MCTP1: variants seen among roughly 807,000 people sequenced by gnomAD.
The protein encoded by MCTP1 is multiple C2 and transmembrane domain-containing protein 1.
A neutral mutation model predicts 120.6 loss-of-function variants in MCTP1; 69 were observed. The ratio of observed to expected loss-of-function variants is 0.57; its 90% CI spans 0.47 to 0.70. The LOEUF (loss-of-function observed/expected upper bound fraction) is 0.70, where lower values mean the gene tolerates loss of function less well. Among genes scored for constraint, MCTP1 ranks in the 30% least tolerant of loss-of-function variants. The probability of loss-of-function intolerance (pLI) is 0.00; values close to 1 mark genes in which losing one functional copy is unlikely to be tolerated. For synonymous variants in MCTP1, 529 were observed against 493.1 expected, an observed-to-expected ratio of 1.07 and a Z score of -0.96; for missense variants, 1,203 against 1,248.8, an observed-to-expected ratio of 0.96 and a Z score of 0.55.
intron 18 of MCTP1, chr5:94,789,416 A>G (rs886371655): frequency 6.6e-6 from 1 of 152,216 alleles, no homozygotes; most frequent in Non-Finnish European, 1.5e-5. Context: ...TTGAACTGAC[A>G]TGTCACGTAC....
chr5:94,931,969 C>T lies in MCTP1; in HGVS notation c.1196G>A (p.Trp399Ter). 1 of 1,603,848 alleles carries T rather than the reference C, an allele frequency of 6.2e-7. No individual in the cohort carries two copies. The highest frequency in any genetic ancestry group is 8.5e-7 in the Non-Finnish European group (1 of 1,172,598). ...RDVTMLMRKS[W>*]KRSSKELSEN... ...AAGAATTACCTTACTTGATCTTTTCCAACTCTTCCTCATTAGCATTGTCTG... is the reference window on the plus strand; with the variant it reads ...AAGAATTACCTTACTTGATCTTTTCTAACTCTTCCTCATTAGCATTGTCTG... Residue 399 changes from tryptophan to a stop codon, truncating the protein, a stop_gained, in exon 6 of 23, where the codon TGG becomes TAG. Coordinates refer to ENST00000515393, the MANE Select transcript of MCTP1 (RefSeq NM_024717.7). LOFTEE classifies it high-confidence loss of function.
In MCTP1 at chr5:94,882,420, GT is replaced by G. The variant is rs549174897; in HGVS notation, c.1933+6458del. Among the ~76,000 whole-genome samples the G allele has an allele frequency of 5.9e-4, 86 of 146,008 alleles. 1 individual carries two copies. The highest frequency in any genetic ancestry group is 4.1e-3 in the South Asian group (19 of 4,604). Reference sequence around the variant, plus strand: ...TTTAACCCAAGTATCTCTGTAGTAAGTTTTTTTTTTTCAAAAAATCTAGTTA... The same window carrying G: ...TTTAACCCAAGTATCTCTGTAGTAAGTTTTTTTTTTCAAAAAATCTAGTTA... On this transcript the variant is annotated intron_variant, in intron 12 of 22. Transcript: ENST00000515393.
intron 1 of MCTP1, among the ~76,000 whole-genome samples, chr5:95,117,842 A>G (rs1032685974): frequency 6.6e-6 from 1 of 152,202 alleles, no homozygotes; most frequent in African/African-American, 2.4e-5. Context: ...CATAAAAAGG[A>G]ATGAGATCAT....
chr5:95,155,691 A>G (rs1429393416), intron 1 of MCTP1, among the ~76,000 whole-genome samples: 2 of 152,168 alleles, frequency 1.3e-5, no homozygotes, highest in African/African-American at 2.4e-5. Flanking sequence ...ACAGACCTCA[A>G]AGCTATGGAA....
chr5:95,249,298 A>T (rs967199036), intron 1 of MCTP1, among the ~76,000 whole-genome samples: 1 of 152,216 alleles, frequency 6.6e-6, no homozygotes, highest in Admixed American at 6.5e-5. Context: ...TCTACAAAGA[A>T]CTTAAACAAA....
rs186214514 is a variant in MCTP1 at position 95,123,588 on chromosome 5, T to C, written c.721-106104A>G. Reference sequence around the variant, plus strand: ...GCTTCTACAGGAGAGGTAGAATTTATCATTCAGCACAAGATATATACTTTG... The same window carrying C: ...GCTTCTACAGGAGAGGTAGAATTTACCATTCAGCACAAGATATATACTTTG... On this transcript the variant is annotated intron_variant, in intron 1 of 22. Coordinates refer to ENST00000515393, the MANE Select transcript of MCTP1 (RefSeq NM_024717.7). Among the ~76,000 whole-genome samples the C allele has an allele frequency of 5.7e-4, 87 of 152,288 alleles. 1 individual carries two copies. The East Asian group carries it at 0.015, about 26-fold the overall frequency.
rs551029862 is a variant in MCTP1 at position 95,138,400 on chromosome 5, G to T, written c.721-120916C>A. ...CACAGCCTTGTCAATCTCCATCCAG[G>T]TTTTTCTCACTATCCTCTCCTGTAA... On this transcript the variant is annotated intron_variant, in intron 1 of 22. Coordinates refer to ENST00000515393, the MANE Select transcript of MCTP1 (RefSeq NM_024717.7). 2.0e-5 allele frequency among the ~76,000 whole-genome samples: 3 copies of T among 152,280 alleles called. No homozygotes were observed. The South Asian group carries it at 6.2e-4, about 32-fold the overall frequency.
At chr5:94,949,187 T>G (rs1324910923) in intron 3 of MCTP1, among the ~76,000 whole-genome samples, 1 of 152,186 alleles carries the variant, frequency 6.6e-6, no homozygotes, top group Non-Finnish European at 1.5e-5. Flanking sequence ...GTTACTTTTA[T>G]CTCTTCTACT....
At chr5:94,764,828 C>CAAA (rs57246943) in intron 19 of MCTP1, among the ~76,000 whole-genome samples, 123 of 90,972 alleles carry the variant, frequency 1.4e-3, no homozygotes, top group African/African-American at 4.4e-3. Context: ...TGACCTGGAC[C>CAAA]AAAAAAAAAA....
intron 2 of MCTP1, among the ~76,000 whole-genome samples, chr5:94,972,144 CT>C (rs1273945101): frequency 6.6e-6 from 1 of 152,070 alleles, no homozygotes; most frequent in African/African-American, 2.4e-5. Context: ...CATTTTATTC[CT>C]CTTGGACTAC....
intron 1 of MCTP1, among the ~76,000 whole-genome samples, chr5:95,139,488 C>A (rs1759730486): frequency 1.3e-5 from 2 of 152,304 alleles, no homozygotes; most frequent in African/African-American, 4.8e-5. Context: ...ACTTAGGGAA[C>A]AAGAGAGCTT....
intron 1 of MCTP1, among the ~76,000 whole-genome samples, chr5:95,254,276 G>A (rs189307459): frequency 2.9e-4 from 44 of 152,220 alleles, no homozygotes; most frequent in South Asian, 1.2e-3. Context: ...GGCTCCCTAC[G>A]TACCAACCAC....
At chr5:94,871,493 G>T in intron 13 of MCTP1, 76 bp from the exon 14 acceptor site, 1 of 962,096 alleles carries the variant, frequency 1.0e-6, no homozygotes, top group Non-Finnish European at 1.7e-6. Context: ...TGAAAATTTA[G>T]ATAGCTCCAG....
intron 17 of MCTP1, among the ~76,000 whole-genome samples, chr5:94,840,976 C>T (rs1790893172): frequency 6.6e-6 from 1 of 152,090 alleles, no homozygotes; most frequent in South Asian, 2.1e-4. Flanking sequence ...CCTTAGTGGC[C>T]ACTTGGCCAT....
At position 95,216,907 on chromosome 5, in the gene MCTP1, T is replaced by C. The variant is rs1391694275; in HGVS notation, c.720+66949A>G. ...ACAAGAGAGCAGCCAGTATCATTTCTCCTGAGGCTACCTCTGGAAGAAAAC... is the reference window on the plus strand; with the variant it reads ...ACAAGAGAGCAGCCAGTATCATTTCCCCTGAGGCTACCTCTGGAAGAAAAC... On this transcript the variant is annotated intron_variant, in intron 1 of 22. Transcript: ENST00000515393. Among the ~76,000 whole-genome samples the C allele has an allele frequency of 2.0e-5, 3 of 152,206 alleles. No homozygotes were observed. In the East Asian group the frequency reaches 5.8e-4, roughly 29 times the overall value.
At chr5:94,759,411 T>C (rs1454443842) in intron 19 of MCTP1, among the ~76,000 whole-genome samples, 1 of 152,146 alleles carries the variant, frequency 6.6e-6, no homozygotes, top group African/African-American at 2.4e-5. Context: ...AAACGTTTAA[T>C]GTAGGAGAAA....
chr5:95,257,919 C>G (rs1758065265), intron 1 of MCTP1, among the ~76,000 whole-genome samples: 1 of 151,822 alleles, frequency 6.6e-6, no homozygotes, highest in Non-Finnish European at 1.5e-5. Flanking sequence ...GAAATAAATA[C>G]AGTAATATTG....
intron 18 of MCTP1, among the ~76,000 whole-genome samples, chr5:94,795,242 G>A (rs1448514987): frequency 6.7e-6 from 1 of 150,328 alleles, no homozygotes; most frequent in Non-Finnish European, 1.5e-5. Flanking sequence ...AACTGATGAA[G>A]GGACCTGGGC....
At chr5:95,194,037 C>T (rs184079433) in intron 1 of MCTP1, among the ~76,000 whole-genome samples, 15 of 151,918 alleles carry the variant, frequency 9.9e-5, no homozygotes, top group Non-Finnish European at 1.8e-4. Flanking sequence ...AAAGCAAGAC[C>T]GTGTCTCTAC....
Sources: gnomAD v4.1 joint callset for allele counts (sites outside exome capture counted in the v4.1 genomes callset) on GRCh38, gnomAD v4.1.1 for gene constraint, MANE v1.5 for transcripts, NCBI Gene and HGNC (gene_info 2026-07-23, HGNC 2026-07-21) for gene names.